The following ARHGEF9 variants were observed in gnomAD, a reference collection of about 807,000 sequenced individuals.
ARHGEF9 encodes Cdc42 guanine nucleotide exchange factor 9.
In ARHGEF9, 2 loss-of-function variants were observed where a neutral mutation model predicts 41.3. The observed-to-expected ratio is 0.05, with a 90% CI of 0.02 to 0.15. ARHGEF9 has a LOEUF of 0.15. Ranked by LOEUF, ARHGEF9 falls within the 10% of genes least tolerant of loss-of-function variation. The pLI is 1.00. For missense variants in ARHGEF9, 225 were observed against 424.7 expected, an observed-to-expected ratio of 0.53 and a Z score of 4.13; for synonymous variants, 160 against 154.4, an observed-to-expected ratio of 1.04 and a Z score of -0.27.
intron 3 of ARHGEF9, among the ~76,000 whole-genome samples, chrX:63,705,359 G>GTGTA (rs1402422878): frequency 2.5e-4 from 2 of 8,117 alleles, no homozygotes; most frequent in Non-Finnish European, 1.5e-3. Context: ...AAGAGAGAAT[G>GTGTA]TGTGTGTGTG....
chrX:63,637,868 G>C lies in ARHGEF9; in HGVS notation c.*160C>G, dbSNP rs1338180512. On this transcript the variant is annotated 3_prime_UTR_variant, in exon 10 of 10. Coordinates refer to ENST00000671741, the MANE Select transcript of ARHGEF9 (RefSeq NM_001353921.2). ...TCTCTGTGTGTGTGTGTGTGTGTGT[G>C]TGTGTGTGTGTGTCTGTGTGTGTGT... 1 of 417,574 alleles carries C rather than the reference G, an allele frequency of 2.4e-6. No homozygotes were observed. Among genetic ancestry groups the C allele is most frequent in the Non-Finnish European group, 4.1e-6 (1 of 245,566 alleles). 34.4% of individuals were successfully genotyped at this position (417,574 alleles called of 1,213,427 possible). A position where few individuals can be genotyped will look rare whatever the true frequency, so the allele number is the denominator to read the frequency against.
At chrX:63,704,052 AC>A (rs782319517) in intron 3 of ARHGEF9, among the ~76,000 whole-genome samples, 7 of 111,785 alleles carry the variant, frequency 6.3e-5, no homozygotes, top group African/African-American at 2.3e-4. Context: ...GGATGGGTTG[AC>A]CACACAGGCC....
chrX:63,667,459 G>A (rs1470078817), intron 6 of ARHGEF9, among the ~76,000 whole-genome samples: 1 of 111,265 alleles, frequency 9.0e-6, no homozygotes, highest in African/African-American at 3.3e-5. Context: ...TGATCTTCAT[G>A]ATAGGGCTGA....
intron 8 of ARHGEF9, among the ~76,000 whole-genome samples, chrX:63,648,768 A>C (rs1556320233): frequency 9.0e-6 from 1 of 111,354 alleles, no homozygotes; most frequent in African/African-American, 3.3e-5. Flanking sequence ...CTACCAAGCA[A>C]ATGGAAAACA....
intron 3 of ARHGEF9, among the ~76,000 whole-genome samples, chrX:63,705,510 G>A (rs1238155834): frequency 6.4e-5 from 7 of 110,215 alleles, no homozygotes; most frequent in African/African-American, 1.7e-4. Context: ...AAGAGAGTAC[G>A]AGAGTGAAGG....
At chrX:63,645,334 C>T (rs1475295877) in intron 8 of ARHGEF9, among the ~76,000 whole-genome samples, 1 of 110,066 alleles carries the variant, frequency 9.1e-6, no homozygotes, top group Non-Finnish European at 1.9e-5. Flanking sequence ...CCCATTAACT[C>T]GTCATTTAAC....
At chrX:63,719,816 G>T in intron 2 of ARHGEF9, 1 of 296,235 alleles carries the variant, frequency 3.4e-6, no homozygotes, top group Non-Finnish European at 5.9e-6. Context: ...CTAGCACAGA[G>T]GTTGACCTCT....
intron 4 of ARHGEF9, among the ~76,000 whole-genome samples, chrX:63,693,471 G>A (rs2051495119): frequency 1.8e-5 from 2 of 109,493 alleles, no homozygotes; most frequent in Non-Finnish European, 3.8e-5. Flanking sequence ...AATTAGCTGG[G>A]CGTGGTAGCA....
rs1331459987 is a variant in ARHGEF9, at chrX:63,637,844, C to CTG, written c.*183_*184insCA. On this transcript the variant is annotated 3_prime_UTR_variant, in exon 10 of 10. Transcript: ENST00000671741. The stretch of plus-strand genomic sequence containing the variant: ...CAGAAAACACTTTTGTTCCTTATCT[C>CTG]TCTGTGTGTGTGTGTGTGTGTGTGT... 7.5e-4 allele frequency: 257 copies of CTG among 343,407 alleles called. No individual in the cohort carries two copies. The highest frequency in any genetic ancestry group is 1.6e-3 in the Middle Eastern group (2 of 1,224). The allele number at this position is 343,407 out of a possible 1,213,427, so 28.3% of individuals were successfully genotyped here.
intron 1 of ARHGEF9, among the ~76,000 whole-genome samples, chrX:63,741,970 G>C (rs1275876131): frequency 4.4e-5 from 5 of 112,411 alleles, no homozygotes; most frequent in Non-Finnish European, 9.4e-5. Flanking sequence ...TACGGGCATA[G>C]AGCATGGATA....
chrX:63,778,380 T>C (rs148348002), intron 1 of ARHGEF9, among the ~76,000 whole-genome samples: 2 of 112,183 alleles, frequency 1.8e-5, no homozygotes, highest in East Asian at 5.6e-4. Context: ...AAACCATTTT[T>C]TCCTCCTAGA....
At chrX:63,752,051 G>GT (rs1368838665) in intron 1 of ARHGEF9, among the ~76,000 whole-genome samples, 1 of 111,490 alleles carries the variant, frequency 9.0e-6, no homozygotes, top group African/African-American at 3.3e-5. Context: ...TGCTGTCCCA[G>GT]TTTCCTTCCC....
At chrX:63,767,237 G>A (rs782265158) in intron 1 of ARHGEF9, 44 of 575,671 alleles carry the variant, frequency 7.6e-5, no homozygotes, top group Non-Finnish European at 1.2e-4. Flanking sequence ...TAAACAATAC[G>A]TGGATGGAAA....
chrX:63,731,772 G>A (rs2054311174), intron 1 of ARHGEF9, among the ~76,000 whole-genome samples: 1 of 110,255 alleles, frequency 9.1e-6, no homozygotes, highest in Non-Finnish European at 1.9e-5. Flanking sequence ...TGTTGGCCAG[G>A]CTGGTCTTGA....
chrX:63,667,534 C>CT (rs1265435255), intron 6 of ARHGEF9, among the ~76,000 whole-genome samples: 2 of 110,873 alleles, frequency 1.8e-5, no homozygotes, highest in Admixed American at 1.9e-4. Context: ...AGATGGAGAC[C>CT]TTTATACCTC....
At chrX:63,755,089 T>C (rs1210330958) in intron 1 of ARHGEF9, 8 of 937,540 alleles carry the variant, frequency 8.5e-6, no homozygotes, top group East Asian at 4.2e-5. Flanking sequence ...GTTCGATCCC[T>C]GCCTTGCTGG....
chrX:63,678,303 G>A (rs371859331), intron 5 of ARHGEF9, 37 bp downstream of exon 5: 11 of 1,099,593 alleles, frequency 1.0e-5, no homozygotes, highest in Non-Finnish European at 1.2e-6. Flanking sequence ...GATAGAGGAA[G>A]TTCCCTCATT....
intron 2 of ARHGEF9, among the ~76,000 whole-genome samples, chrX:63,712,601 G>T (rs1389541245): frequency 6.0e-4 from 67 of 111,355 alleles, no homozygotes; most frequent in African/African-American, 2.2e-3. Context: ...TATTAAAAAT[G>T]ATTTTAAAAA....
intron 1 of ARHGEF9, among the ~76,000 whole-genome samples, chrX:63,753,139 T>C (rs2055755641): frequency 8.9e-6 from 1 of 111,774 alleles, no homozygotes; most frequent in Admixed American, 9.4e-5. Context: ...ATAATAGCAA[T>C]AGCAATAACA....
Sources: gnomAD v4.1 joint callset for allele counts (sites outside exome capture counted in the v4.1 genomes callset) on GRCh38, gnomAD v4.1.1 for gene constraint, MANE v1.5 for transcripts, NCBI Gene and HGNC (gene_info 2026-07-23, HGNC 2026-07-21) for gene names.